Variants in EIF3E observed in about 807,000 individuals in gnomAD.
EIF3E encodes the protein eukaryotic translation initiation factor 3 subunit E, also known as eIF-3 p48.
A neutral mutation model predicts 59.3 loss-of-function variants in EIF3E; 25 were observed. The observed-to-expected ratio is 0.42, with a 90% CI of 0.31 to 0.59. The LOEUF (loss-of-function observed/expected upper bound fraction) is 0.59, where lower values mean the gene tolerates loss of function less well. EIF3E is among the 20% of genes least tolerant of loss of function. EIF3E has a pLI of 0.15. For synonymous variants in EIF3E, 176 were observed against 170.2 expected, an observed-to-expected ratio of 1.03 and a Z score of -0.26; for missense variants, 317 against 534.3, an observed-to-expected ratio of 0.59 and a Z score of 4.01.
intron 10 of EIF3E, among the ~76,000 whole-genome samples, chr8:108,211,775 C>A (rs1563628284): frequency 6.6e-6 from 1 of 152,182 alleles, no homozygotes. Context: ...AGATACAGCA[C>A]AGCAGCCCTG....
chr8:108,240,037 T>G lies in EIF3E; in HGVS notation c.244A>C (p.Lys82Gln), dbSNP rs1441229866. The G allele has an allele frequency of 1.2e-6, 2 of 1,614,128 alleles. No individual in the cohort carries two copies. Among genetic ancestry groups the G allele is most frequent in the South Asian group, 2.2e-5 (2 of 91,076 alleles). The part of the protein sequence containing the change: ...EKRTTVVAQL[K>Q]QLQAETEPIV... ...GGTTCTGTTTCTGCCTGAAGCTGTT[T>G]CAGTTGTGCAACCACTGTGGTTCTT... The change falls in exon 3 of 13, where the codon AAA becomes CAA. Residue 82 changes from lysine (K) to glutamine (Q), a missense_variant. Lys to Gln is a moderately conservative substitution (Grantham distance 53). This residue lies in a region of EIF3E where 242 missense variants were observed against 398.0 expected (regional missense o/e 0.61). Transcript: ENST00000220849.
chr8:108,247,279 G>T (rs761792815), intron 1 of EIF3E, among the ~76,000 whole-genome samples: 21 of 152,110 alleles, frequency 1.4e-4, no homozygotes, highest in Non-Finnish European at 1.5e-4. Flanking sequence ...ATAAAGTTCA[G>T]CTAGTTCAGA....
At chr8:108,233,684 A>AG (rs1381592650) in intron 5 of EIF3E, 1 of 413,992 alleles carries the variant, frequency 2.4e-6, no homozygotes, top group Non-Finnish European at 4.9e-6. Context: ...TTGGAAAAAA[A>AG]AAAATTAAAA....
At chr8:108,216,329 TAAGG>T (rs1554599034) in intron 9 of EIF3E, 79 bp downstream of exon 9, 6 of 1,015,254 alleles carry the variant, frequency 5.9e-6, no homozygotes, top group Admixed American at 2.4e-5. Context: ...TTCATTACTT[TAAGG>T]AAGACACTGC....
At chr8:108,232,976 C>T (rs1364447162) in intron 5 of EIF3E, among the ~76,000 whole-genome samples, 1 of 152,194 alleles carries the variant, frequency 6.6e-6, no homozygotes, top group Non-Finnish European at 1.5e-5. Context: ...TTTCATGTAC[C>T]TGTAATCATA....
chr8:108,203,200 C>T lies in EIF3E; in HGVS notation c.1165-83G>A, dbSNP rs566115015. On this transcript the variant is annotated intron_variant, in intron 11 of 12. Transcript: ENST00000220849. ...AAGTAAAAAGCATGACATACCTTTG[C>T]GCATATTTTAATGCACTGTATAGAG... 9.8e-5 allele frequency: 148 copies of T among 1,505,018 alleles called. 2 individuals are homozygous for T. The South Asian group carries it at 1.5e-3, about 15-fold the overall frequency. 93.2% of individuals were successfully genotyped at this position (1,505,018 alleles called of 1,614,324 possible).
intron 10 of EIF3E, among the ~76,000 whole-genome samples, chr8:108,205,309 C>T (rs1815079353): frequency 1.3e-5 from 2 of 152,188 alleles, no homozygotes; most frequent in Admixed American, 6.5e-5. Flanking sequence ...CAGCAATTAG[C>T]AGCATGACTC....
chr8:108,216,760 A>G (rs919857369), intron 8 of EIF3E, among the ~76,000 whole-genome samples: 1 of 152,144 alleles, frequency 6.6e-6, no homozygotes, highest in Non-Finnish European at 1.5e-5. Flanking sequence ...AAATTCCTCT[A>G]CTACCAAAAG....
intron 7 of EIF3E, among the ~76,000 whole-genome samples, chr8:108,218,281 T>C (rs1162194801): frequency 6.6e-6 from 1 of 152,202 alleles, no homozygotes; most frequent in African/African-American, 2.4e-5. Context: ...GCTTCCTCTC[T>C]CTTTTCTTCA....
chr8:108,220,408 T>C (rs2129875378), intron 7 of EIF3E, among the ~76,000 whole-genome samples: 1 of 152,364 alleles, frequency 6.6e-6, no homozygotes, highest in African/African-American at 2.4e-5. Context: ...AATTTGAACT[T>C]GGAAATGCAT....
intron 10 of EIF3E, 43 bp downstream of exon 10, chr8:108,214,564 A>G: frequency 7.1e-7 from 1 of 1,399,518 alleles, no homozygotes; most frequent in Non-Finnish European, 9.6e-7. Context: ...AATTTCCAGG[A>G]ATTTTAAAGT....
At chr8:108,233,020 T>C (rs1815653178) in intron 5 of EIF3E, among the ~76,000 whole-genome samples, 1 of 152,230 alleles carries the variant, frequency 6.6e-6, no homozygotes, top group Non-Finnish European at 1.5e-5. Context: ...GGGTTTAAGC[T>C]GTTTACATTT....
At chr8:108,236,439 A>G (rs73699661) in intron 3 of EIF3E, among the ~76,000 whole-genome samples, 5,298 of 152,316 alleles carry the variant, frequency 0.035, 301 homozygotes, top group African/African-American at 0.12. Context: ...ACTGAAAATT[A>G]GTGTGTTTCA....
chr8:108,211,054 CAT>C (rs1491148236), intron 10 of EIF3E, among the ~76,000 whole-genome samples: 1 of 152,144 alleles, frequency 6.6e-6, no homozygotes, highest in African/African-American at 2.4e-5. Context: ...CCTCAATAAA[CAT>C]ATGTGTGCAC....
At position 108,242,727 on chromosome 8, in the gene EIF3E, T is replaced by C. The variant is rs140214313; in HGVS notation, c.91-814A>G. 6,093 of 984,288 alleles carry C rather than the reference T, an allele frequency of 6.2e-3. 17 individuals are homozygous for C. Among genetic ancestry groups the C allele is most frequent in the Non-Finnish European group, 6.7e-3 (5,530 of 819,826 alleles). 61.0% of individuals were successfully genotyped at this position (984,288 alleles called of 1,614,324 possible). A position where few individuals can be genotyped will look rare whatever the true frequency, so the allele number is the denominator to read the frequency against. On this transcript the variant is annotated intron_variant, in intron 1 of 12. Coordinates refer to ENST00000220849, the MANE Select transcript of EIF3E (RefSeq NM_001568.3). ...GAGTAAGACAAGACAGACCTTGCAA[T>C]TGAAATGGCTAAAAGATAGGCACTT...
intron 5 of EIF3E, chr8:108,233,251 T>C (rs1815657020): frequency 6.6e-6 from 1 of 152,128 alleles, no homozygotes; most frequent in Admixed American, 6.5e-5. Flanking sequence ...AAACAGAAAA[T>C]CTTTTTCTTT....
Position 108,229,070 on chromosome 8 carries a change from A to G in EIF3E, c.597T>C (p.Asn199=), listed in dbSNP as rs1206164069. 1 of 1,594,210 alleles carries G rather than the reference A, an allele frequency of 6.3e-7. No individual in the cohort carries two copies. Among genetic ancestry groups the G allele is most frequent in the Non-Finnish European group, 8.5e-7 (1 of 1,169,638 alleles). Residue 199 remains asparagine, a splice_region_variant and synonymous_variant, in exon 6 of 13, where the codon AAT becomes AAC. Coordinates refer to ENST00000220849, the MANE Select transcript of EIF3E (RefSeq NM_001568.3). ...LTRLKETIDN[N]SVSSPLQSLQ... ...ATAACTGTGAAAAAGTCGAACTCAC[A>G]TTATTATCTATGGTCTCTTTTAACC...
chr8:108,203,337 T>C, intron 11 of EIF3E, 64 bp downstream of exon 11: 1 of 1,468,380 alleles, frequency 6.8e-7, no homozygotes, highest in Admixed American at 1.9e-5. Context: ...AATGTCCTAG[T>C]TAAGAATTCC....
At chr8:108,230,104 A>G (rs907690385) in intron 5 of EIF3E, among the ~76,000 whole-genome samples, 3 of 152,198 alleles carry the variant, frequency 2.0e-5, no homozygotes, top group African/African-American at 7.2e-5. Flanking sequence ...TAGAGGGGGA[A>G]GAATACATGT....
Sources: allele counts gnomAD v4.1 joint callset (sites outside exome capture counted in the v4.1 genomes callset), GRCh38; gene constraint gnomAD v4.1.1; regional missense constraint gnomAD v4.1.1; transcripts MANE v1.5; gene names NCBI Gene and HGNC (gene_info 2026-07-23, HGNC 2026-07-21).